BEND6: variants seen among roughly 807,000 people sequenced by gnomAD.
The protein encoded by BEND6 is BEN domain containing 6, also known as BEN domain-containing protein 6.
BEND6 carries 24 observed loss-of-function variants against 31.8 expected under a neutral mutation model. That is an observed-to-expected ratio of 0.75 (90% CI 0.55 to 1.06). The LOEUF (loss-of-function observed/expected upper bound fraction) is 1.06, where lower values mean the gene tolerates loss of function less well. Among genes scored for constraint, BEND6 ranks in the 50% least tolerant of loss-of-function variants. The pLI is 0.00. For synonymous variants in BEND6, 109 were observed against 114.6 expected (o/e 0.95, Z 0.31); for missense variants, 294 against 327.4 (o/e 0.90, Z 0.79).
chr6:56,992,194 C>T (rs1011709126), intron 2 of BEND6, among the ~76,000 whole-genome samples, 184 bp from the exon 3 acceptor site: 3 of 152,208 alleles, frequency 2.0e-5, no homozygotes, highest in African/African-American at 7.2e-5. Flanking sequence ...GTGCATGAAA[C>T]TTTGTCCTGC....
intron 2 of BEND6, among the ~76,000 whole-genome samples, chr6:56,986,210 G>GTA (rs899258680): frequency 3.3e-5 from 5 of 151,916 alleles, no homozygotes; most frequent in African/African-American, 9.7e-5. Context: ...TATTACATAT[G>GTA]TATATATATA....
At chr6:56,966,945 C>T (rs1480678387) in intron 1 of BEND6, among the ~76,000 whole-genome samples, 1 of 152,148 alleles carries the variant, frequency 6.6e-6, no homozygotes, top group Non-Finnish European at 1.5e-5. Flanking sequence ...GGAAATAGAG[C>T]TTGATCAGTG....
At chr6:57,014,585 C>A (rs1827464050) in intron 3 of BEND6, 5 of 1,231,392 alleles carry the variant, frequency 4.1e-6, no homozygotes, top group Non-Finnish European at 5.5e-6. Context: ...CAAAATTCAT[C>A]TTTAATATAT....
intron 2 of BEND6, among the ~76,000 whole-genome samples, chr6:56,985,159 T>C (rs991376071): frequency 2.0e-5 from 3 of 152,208 alleles, no homozygotes; most frequent in Admixed American, 6.5e-5. Context: ...TCAATGGCTA[T>C]CCAGCATGCC....
At chr6:56,988,118 C>T (rs149423583) in intron 2 of BEND6, among the ~76,000 whole-genome samples, 2,248 of 150,876 alleles carry the variant, frequency 0.015, 55 homozygotes, top group African/African-American at 0.052. Context: ...CTGGGTTCAA[C>T]GGATTCTTCT....
rs1309393857 is a variant in BEND6 at position 56,963,583 on chromosome 6, A to G, written c.-101+8123A>G. Reference sequence around the variant, plus strand: ...CCTGGCTGTCCTTTATAAAAGAGAAAGCTATAATAATTTTTTCTTTATATT... The same window carrying G: ...CCTGGCTGTCCTTTATAAAAGAGAAGGCTATAATAATTTTTTCTTTATATT... On this transcript the variant is annotated intron_variant, in intron 1 of 6. Transcript: ENST00000370746. Among the ~76,000 whole-genome samples, 3 of 152,094 alleles carry G rather than the reference A, an allele frequency of 2.0e-5. No individual in the cohort carries two copies. In the East Asian group the frequency reaches 5.8e-4, roughly 29 times the overall value.
At position 57,010,883 on chromosome 6, in the gene BEND6, A is replaced by G. The variant is rs543786285; in HGVS notation, c.299-4250A>G. 4 of 659,164 alleles carry G rather than the reference A, an allele frequency of 6.1e-6. No homozygotes were observed. In the East Asian group the frequency reaches 5.5e-4, roughly 90 times the overall value. 40.8% of individuals were successfully genotyped at this position (659,164 alleles called of 1,614,324 possible). ...TGTGTGTTTAAAATGTTATAAAATT[A>G]AAAGATAAACACTTTGAGAAAAATA... On this transcript the variant is annotated intron_variant, in intron 3 of 6. Coordinates refer to ENST00000370746, the MANE Select transcript of BEND6 (RefSeq NM_152731.3).
chr6:57,000,726 G>T (rs1157413700), intron 3 of BEND6, among the ~76,000 whole-genome samples: 2 of 151,716 alleles, frequency 1.3e-5, no homozygotes, highest in African/African-American at 2.4e-5. Flanking sequence ...GGTGTGTTGT[G>T]GCTGGGAGGC....
intron 2 of BEND6, among the ~76,000 whole-genome samples, chr6:56,989,617 T>C (rs914255112): frequency 1.3e-5 from 2 of 152,256 alleles, no homozygotes. Context: ...CTCTATGCTT[T>C]TGTCAAGCCC....
intron 1 of BEND6, among the ~76,000 whole-genome samples, chr6:56,977,189 A>AC (rs1825906609): frequency 6.6e-6 from 1 of 152,250 alleles, no homozygotes; most frequent in Admixed American, 6.5e-5. Context: ...CCTTTCAGCA[A>AC]AGATAGTTGC....
intron 1 of BEND6, among the ~76,000 whole-genome samples, chr6:56,968,374 G>A (rs541322603): frequency 7.8e-6 from 1 of 127,474 alleles, no homozygotes; most frequent in East Asian, 2.6e-4. Flanking sequence ...AGGCTGGAGT[G>A]CAGCAACAGG....
Position 57,015,253 on chromosome 6 carries a change from C to G in BEND6, c.419C>G (p.Ser140Trp). The G allele has an allele frequency of 1.2e-6, 2 of 1,614,116 alleles. No homozygotes were observed. The highest frequency in any genetic ancestry group is 1.7e-6 in the Non-Finnish European group (2 of 1,180,014). ...STLWRATNNS[S>W]PDSFASTCSN... ...CTCTGGAGAGCAACAAACAACTCCT[C>G]GCCAGATTCATTTGCCTCAACATGC... The change falls in exon 4 of 7, where the codon TCG becomes TGG. Residue 140 changes from serine (S) to tryptophan (W), a missense_variant. Ser to Trp is a radical substitution (Grantham distance 177). Transcript: ENST00000370746.
intron 6 of BEND6, among the ~76,000 whole-genome samples, chr6:57,022,528 T>C (rs916878654): frequency 6.6e-6 from 1 of 152,150 alleles, no homozygotes; most frequent in Admixed American, 6.5e-5. Flanking sequence ...TATTTCTTAG[T>C]CTGGCTAATG....
At position 57,007,409 on chromosome 6, in the gene BEND6, A is replaced by G. The variant is rs111769524; in HGVS notation, c.299-7724A>G. Among the ~76,000 whole-genome samples the G allele has an allele frequency of 4.7e-3, 701 of 149,024 alleles. 6 individuals are homozygous for G. The highest frequency in any genetic ancestry group is 0.016 in the African/African-American group (673 of 41,386). Reference sequence around the variant, plus strand: ...GAAATGAATCAAAGACCTAAATTTAAGACCCCAAACAATGAAACTACTAGA... The same window carrying G: ...GAAATGAATCAAAGACCTAAATTTAGGACCCCAAACAATGAAACTACTAGA... On this transcript the variant is annotated intron_variant, in intron 3 of 6. Transcript: ENST00000370746.
At chr6:56,989,137 TATG>T (rs1826398080) in intron 2 of BEND6, among the ~76,000 whole-genome samples, 1 of 150,652 alleles carries the variant, frequency 6.6e-6, no homozygotes, top group African/African-American at 2.4e-5. Flanking sequence ...TATTATATAT[TATG>T]GATTATATAT....
At chr6:56,985,467 C>A (rs190724684) in intron 2 of BEND6, among the ~76,000 whole-genome samples, 1 of 152,200 alleles carries the variant, frequency 6.6e-6, no homozygotes, top group East Asian at 1.9e-4. Flanking sequence ...TGACTGCCCT[C>A]CCCTCACTCT....
intron 6 of BEND6, among the ~76,000 whole-genome samples, chr6:57,024,858 G>C (rs1428558886): frequency 6.6e-6 from 1 of 152,100 alleles, no homozygotes; most frequent in African/African-American, 2.4e-5. Context: ...TTGGTCTTTT[G>C]AGTTAATTGT....
intron 3 of BEND6, among the ~76,000 whole-genome samples, chr6:57,001,974 C>T (rs1826962196): frequency 6.6e-6 from 1 of 152,034 alleles, no homozygotes; most frequent in Non-Finnish European, 1.5e-5. Flanking sequence ...GCAAGTAGAC[C>T]TCATATGTAA....
intron 3 of BEND6, among the ~76,000 whole-genome samples, chr6:57,006,666 A>G (rs1468250332): frequency 1.3e-5 from 2 of 152,266 alleles, no homozygotes; most frequent in Admixed American, 6.5e-5. Context: ...AGTTTACCCA[A>G]AGCAATGTAC....
Sources: allele counts gnomAD v4.1 joint callset (sites outside exome capture counted in the v4.1 genomes callset), GRCh38; gene constraint gnomAD v4.1.1; transcripts MANE v1.5; gene names NCBI Gene and HGNC (gene_info 2026-07-23, HGNC 2026-07-21).